Variants in PPP1R2 observed in about 807,000 individuals in gnomAD.
PPP1R2 encodes protein phosphatase inhibitor 2.
PPP1R2 carries 16 observed loss-of-function variants against 29.9 expected under a neutral mutation model. The ratio of observed to expected loss-of-function variants is 0.53; its 90% confidence interval spans 0.36 to 0.81. The LOEUF (loss-of-function observed/expected upper bound fraction) is 0.81. PPP1R2 is among the 30% of genes least tolerant of loss of function. The pLI, the probability that PPP1R2 is intolerant of heterozygous loss-of-function variation, is 0.00. For synonymous variants in PPP1R2, 76 were observed against 91.5 expected (o/e 0.83, Z 0.96); for missense variants, 197 against 252.7 (o/e 0.78, Z 1.49).
intron 1 of PPP1R2, among the ~76,000 whole-genome samples, chr3:195,534,682 C>T (rs1719307631): frequency 2.6e-5 from 4 of 151,916 alleles, no homozygotes; most frequent in African/African-American, 9.7e-5. Context: ...AGTACCTTGC[C>T]AATACAGAAC....
At chr3:195,524,638 TA>T (rs1356199206) in intron 3 of PPP1R2, among the ~76,000 whole-genome samples, 180 bp downstream of exon 3, 4 of 151,592 alleles carry the variant, frequency 2.6e-5, no homozygotes, top group Non-Finnish European at 5.9e-5. Context: ...GACAAGACTA[TA>T]AAAGTTGGTG....
At chr3:195,531,074 G>T (rs556234501) in intron 1 of PPP1R2, among the ~76,000 whole-genome samples, 92 of 151,158 alleles carry the variant, frequency 6.1e-4, no homozygotes, top group African/African-American at 2.0e-3. Flanking sequence ...CTGCCTGCCT[G>T]GGCCTCCCAA....
chr3:195,543,223 G>A lies in PPP1R2; in HGVS notation c.-198C>T, dbSNP rs977829602. The A allele has an allele frequency of 4.4e-6, 3 of 685,500 alleles. No homozygotes were observed. Among genetic ancestry groups the A allele is most frequent in the South Asian group, 2.2e-5 (1 of 45,614 alleles). 42.5% of individuals were successfully genotyped at this position (685,500 alleles called of 1,614,324 possible). A position where few individuals can be genotyped will look rare whatever the true frequency, so the allele number is the denominator to read the frequency against. Reference sequence around the variant, plus strand: ...CCGACGCCAGAGCCAACGCCGAACGGGTGGCGGCTACTCGCGCACCCTTAG... The same window carrying A: ...CCGACGCCAGAGCCAACGCCGAACGAGTGGCGGCTACTCGCGCACCCTTAG... On this transcript the variant is annotated 5_prime_UTR_variant, in exon 1 of 6. Coordinates refer to ENST00000618156, the MANE Select transcript of PPP1R2 (RefSeq NM_006241.8).
chr3:195,517,932 G>A (rs1230369093), intron 5 of PPP1R2, among the ~76,000 whole-genome samples: 1 of 152,134 alleles, frequency 6.6e-6, no homozygotes, highest in Non-Finnish European at 1.5e-5. Context: ...AACTCATCAG[G>A]CTGTATCATA....
chr3:195,536,006 T>C (rs1372647054), intron 1 of PPP1R2, among the ~76,000 whole-genome samples: 1 of 152,232 alleles, frequency 6.6e-6, no homozygotes, highest in African/African-American at 2.4e-5. Context: ...AAGATCTTTA[T>C]GATGATCCAC....
intron 5 of PPP1R2, among the ~76,000 whole-genome samples, chr3:195,518,408 T>C (rs1303464123): frequency 6.6e-6 from 1 of 152,078 alleles, no homozygotes; most frequent in Non-Finnish European, 1.5e-5. Flanking sequence ...TCCCAGCACT[T>C]TGGGAGGCCG....
chr3:195,518,582 C>T (rs1157386374), intron 5 of PPP1R2, among the ~76,000 whole-genome samples: 3 of 150,808 alleles, frequency 2.0e-5, no homozygotes, highest in Non-Finnish European at 4.4e-5. Flanking sequence ...ACCCAGGAGG[C>T]GGAGCTTGCA....
Position 195,519,203 on chromosome 3 carries a change from T to C in PPP1R2, c.404-18A>G. ...CTTTTTTTCTATAAGATGCAAAATG[T>C]AAACTTAGGAAGTTTGAGCTCAAGG... On this transcript the variant is annotated intron_variant, in intron 4 of 5. Coordinates refer to ENST00000618156, the MANE Select transcript of PPP1R2 (RefSeq NM_006241.8). 1 of 1,569,856 alleles carries C rather than the reference T, an allele frequency of 6.4e-7. No individual in the cohort carries two copies. The highest frequency in any genetic ancestry group is 8.7e-7 in the Non-Finnish European group (1 of 1,154,168).
intron 1 of PPP1R2, among the ~76,000 whole-genome samples, chr3:195,538,692 T>C (rs1483576348): frequency 6.6e-6 from 1 of 152,190 alleles, no homozygotes; most frequent in African/African-American, 2.4e-5. Context: ...CTATAGAATT[T>C]GAATTGAACA....
intron 2 of PPP1R2, among the ~76,000 whole-genome samples, chr3:195,525,485 T>A (rs997584617): frequency 2.6e-5 from 4 of 151,604 alleles, no homozygotes; most frequent in African/African-American, 9.7e-5. Context: ...GAAAAAAAAA[T>A]ACTACAAAGT....
In PPP1R2 at chr3:195,515,635, T is replaced by C. The variant is rs1381383653; in HGVS notation, c.*1261A>G. ...AAAGCACGTTTGTCATAGTACACATTATCGTAGTCCCTTAAAGCAGGGACT... is the reference window on the plus strand; with the variant it reads ...AAAGCACGTTTGTCATAGTACACATCATCGTAGTCCCTTAAAGCAGGGACT... On this transcript the variant is annotated 3_prime_UTR_variant, in exon 6 of 6. Coordinates refer to ENST00000618156, the MANE Select transcript of PPP1R2 (RefSeq NM_006241.8). The C allele has an allele frequency of 6.6e-6, 1 of 152,144 alleles. No individual in the cohort carries two copies. Among genetic ancestry groups the C allele is most frequent in the African/African-American group, 2.4e-5 (1 of 41,430 alleles). The allele number at this position is 152,144 out of a possible 1,614,324, so 9.4% of individuals were successfully genotyped here. A position where few individuals can be genotyped will look rare whatever the true frequency, so the allele number is the denominator to read the frequency against.
At chr3:195,539,150 T>C (rs1317292273) in intron 1 of PPP1R2, among the ~76,000 whole-genome samples, 1 of 152,202 alleles carries the variant, frequency 6.6e-6, no homozygotes, top group Non-Finnish European at 1.5e-5. Flanking sequence ...GAATCAACAG[T>C]GTCTTCTTTT....
In PPP1R2 at chr3:195,515,026, G is replaced by C. The variant is rs1457068519; in HGVS notation, c.*1870C>G. 1.2e-4 allele frequency: 31 copies of C among 260,150 alleles called. No individual in the cohort carries two copies. In the East Asian group the frequency reaches 3.2e-3, roughly 27 times the overall value. The allele number at this position is 260,150 out of a possible 1,614,324, so 16.1% of individuals were successfully genotyped here. ...CTACTTCTACAAAAAAAAAAAAAGA[G>C]TATGTGGGTACTTTCTAAGAACTCA... is the stretch of plus-strand genomic sequence containing the variant. On this transcript the variant is annotated 3_prime_UTR_variant, in exon 6 of 6. Coordinates refer to ENST00000618156, the MANE Select transcript of PPP1R2 (RefSeq NM_006241.8).
intron 1 of PPP1R2, among the ~76,000 whole-genome samples, chr3:195,541,842 C>A (rs908766038): frequency 6.6e-6 from 1 of 152,120 alleles, no homozygotes. Flanking sequence ...AACCTATGAA[C>A]CTACTCAATA....
chr3:195,518,902 T>C (rs1718650926), intron 5 of PPP1R2, 116 bp downstream of exon 5: 1 of 1,472,362 alleles, frequency 6.8e-7, no homozygotes, highest in South Asian at 1.3e-5. Context: ...TTTGGTATAA[T>C]AAAGCGAATC....
intron 4 of PPP1R2, chr3:195,523,358 C>T (rs1718840596): frequency 4.1e-6 from 1 of 241,198 alleles, no homozygotes; most frequent in Admixed American, 5.0e-5. Context: ...CTTTCAGCTA[C>T]CCACTTTAAG....
chr3:195,523,711 G>A lies in PPP1R2; in HGVS notation c.384C>T (p.Asp128=), dbSNP rs1718855101. Residue 128 remains aspartate (D), a synonymous_variant, in exon 4 of 6, where the codon GAC becomes GAT. Transcript: ENST00000618156. ...EQESSGEEDS[D]LSPEEREKKR... is the part of the protein sequence containing the mutation. ...AACTACCTCGTTCTTCAGGTGAGAGGTCACTATCCTCCTCTCCACTGCTTT... is the reference window on the plus strand; with the variant it reads ...AACTACCTCGTTCTTCAGGTGAGAGATCACTATCCTCCTCTCCACTGCTTT... 1 of 1,613,934 alleles carries A rather than the reference G, an allele frequency of 6.2e-7. No homozygotes were observed. Among genetic ancestry groups the A allele is most frequent in the South Asian group, 1.1e-5 (1 of 91,042 alleles).
intron 1 of PPP1R2, among the ~76,000 whole-genome samples, chr3:195,539,349 G>A (rs1442266314): frequency 6.6e-6 from 1 of 152,170 alleles, no homozygotes; most frequent in African/African-American, 2.4e-5. Flanking sequence ...TGGATTTATG[G>A]ATTCTATCCA....
Position 195,515,874 on chromosome 3 carries a change from G to C in PPP1R2, c.*1022C>G, listed in dbSNP as rs569491405. 1.5e-4 allele frequency: 23 copies of C among 152,238 alleles called. No individual in the cohort carries two copies. The highest frequency in any genetic ancestry group is 5.5e-4 in the African/African-American group (23 of 41,564). 9.4% of individuals were successfully genotyped at this position (152,238 alleles called of 1,614,324 possible). On this transcript the variant is annotated 3_prime_UTR_variant, in exon 6 of 6. Transcript: ENST00000618156. ...GGTATAGAAATTCAGCAGCTAAACT[G>C]TATTTCCCACCTATAGCACTGCTGC...
Sources: gnomAD v4.1 joint callset for allele counts (sites outside exome capture counted in the v4.1 genomes callset) on GRCh38, gnomAD v4.1.1 for gene constraint, MANE v1.5 for transcripts, NCBI Gene and HGNC (gene_info 2026-07-23, HGNC 2026-07-21) for gene names.